The following HSPG2 variants were observed in gnomAD, a reference collection of about 807,000 sequenced individuals.
The protein encoded by HSPG2 is basement membrane-specific heparan sulfate proteoglycan core protein.
HSPG2 carries 278 observed loss-of-function variants against 526.6 expected under a neutral mutation model. The observed-to-expected ratio is 0.53, with a 90% confidence interval of 0.48 to 0.58. HSPG2 has a LOEUF of 0.58. HSPG2 is among the 20% of genes least tolerant of loss of function. The pLI is 0.00. For synonymous variants in HSPG2, 2,465 were observed against 2,555.4 expected, an observed-to-expected ratio of 0.96 and a Z score of 1.07; for missense variants, 5,354 against 6,099.5, an observed-to-expected ratio of 0.88 and a Z score of 4.07.
rs780038988 is a variant in HSPG2, at chr1:21,842,273, T to C, written c.9018A>G (p.Thr3006=). ...GPGPEQEASF[T]VTVPPSEGSS... is the part of the protein sequence containing the mutation. ...ACCCCTCACTGGGCGGGACGGTGAC[T>C]GTGAAGGAGGCTTCTTGCTCAGGGC... Residue 3006 remains threonine (T), a synonymous_variant, in exon 68 of 97, where the codon ACA becomes ACG. Coordinates refer to ENST00000374695, the MANE Select transcript of HSPG2 (RefSeq NM_005529.7). 6.2e-7 allele frequency: 1 copy of C among 1,613,546 alleles called. No homozygotes were observed. Among genetic ancestry groups the C allele is most frequent in the South Asian group, 1.1e-5 (1 of 90,996 alleles).
chr1:21,882,651 A>G lies in HSPG2; in HGVS notation c.1655-1149T>C, dbSNP rs573616627. Among the ~76,000 whole-genome samples, 20 of 152,264 alleles carry G rather than the reference A, an allele frequency of 1.3e-4. No homozygotes were observed. The South Asian group carries it at 3.7e-3, about 28-fold the overall frequency. On this transcript the variant is annotated intron_variant, in intron 13 of 96. Transcript: ENST00000374695. ...CATGTGGCCACTGAGCACTGGAGACATGTCTTGTGCTGCTCAGGAATGAAT... is the reference window on the plus strand; with the variant it reads ...CATGTGGCCACTGAGCACTGGAGACGTGTCTTGTGCTGCTCAGGAATGAAT...
In HSPG2 at chr1:21,872,958, G is replaced by T. The variant is rs747649848; in HGVS notation, c.3888+39C>A. The stretch of plus-strand genomic sequence containing the variant: ...TTTCCCCGCAGGGTCTGGGCAGCGG[G>T]GCAGAGCAGGCCCCGCAGGGACAGG... On this transcript the variant is annotated intron_variant, in intron 31 of 96. Transcript: ENST00000374695. The surrounding 1 kb of genome is among the most constrained non-coding windows in gnomAD (Gnocchi z 5.5). 2 of 1,586,442 alleles carry T rather than the reference G, an allele frequency of 1.3e-6. No homozygotes were observed. Among genetic ancestry groups the T allele is most frequent in the African/African-American group, 2.7e-5 (2 of 74,426 alleles).
rs1641000905 is a variant in HSPG2 at position 21,875,647 on chromosome 1, T to C, written c.3284A>G (p.Gln1095Arg). 1 of 1,602,020 alleles carries C rather than the reference T, an allele frequency of 6.2e-7. No individual in the cohort carries two copies. The highest frequency in any genetic ancestry group is 1.3e-5 in the African/African-American group (1 of 74,942). Residue 1095 changes from glutamine (Q) to arginine (R), a missense_variant, in exon 25 of 97, where the codon CAG (glutamine) becomes CGG (arginine). By Grantham distance (43) the Gln-to-Arg change is conservative. Coordinates refer to ENST00000374695, the MANE Select transcript of HSPG2 (RefSeq NM_005529.7). ...DTLLIRASYA[Q>R]QPAESRVSGI... ...CAGACACCTGCTCTCAGCGGGCTGC[T>C]GGGCGTAGGATGCTCGGATCAGGAG...
At chr1:21,835,362 AAT>A in intron 76 of HSPG2, 176 bp downstream of exon 76, 1 of 643,328 alleles carries the variant, frequency 1.6e-6, no homozygotes, top group South Asian at 1.7e-5. Flanking sequence ...CCTCCCTTGA[AAT>A]ATGTATCAAG....
At chr1:21,917,786 CT>C (rs1643924979) in intron 1 of HSPG2, among the ~76,000 whole-genome samples, 1 of 152,148 alleles carries the variant, frequency 6.6e-6, no homozygotes, top group Non-Finnish European at 1.5e-5. Context: ...ACTCTAAAGA[CT>C]TTTTGGAACC....
chr1:21,873,405 C>T lies in HSPG2; in HGVS notation c.3763G>A (p.Gly1255Ser), dbSNP rs778740870. Reference sequence around the variant, plus strand: ...CATGGCTGGCCCTGGCTGGGGTTGCCATAGTAGCCAGGGGCGCACCTGCAG... The same window carrying T: ...CATGGCTGGCCCTGGCTGGGGTTGCTATAGTAGCCAGGGGCGCACCTGCAG... ...HCERCAPGYY[G>S]NPSQGQPCQR... The change falls in exon 30 of 97, where the codon GGC becomes AGC. Residue 1255 changes from glycine (G) to serine (S), a missense_variant. Gly to Ser is a moderately conservative substitution (Grantham distance 56). Coordinates refer to ENST00000374695, the MANE Select transcript of HSPG2 (RefSeq NM_005529.7). 25 of 1,614,062 alleles carry T rather than the reference C, an allele frequency of 1.5e-5. No individual in the cohort carries two copies. Among genetic ancestry groups the T allele is most frequent in the Non-Finnish European group, 1.9e-5 (23 of 1,180,004 alleles).
intron 1 of HSPG2, among the ~76,000 whole-genome samples, chr1:21,910,303 G>A (rs1368706162): frequency 6.6e-6 from 1 of 152,176 alleles, no homozygotes; most frequent in Non-Finnish European, 1.5e-5. Flanking sequence ...AGACTGTGGT[G>A]GCTGCATCCT....
chr1:21,854,854 G>A lies in HSPG2; in HGVS notation c.6127C>T (p.Leu2043Phe). 1 of 1,614,024 alleles carries A rather than the reference G, an allele frequency of 6.2e-7. No homozygotes were observed. Among genetic ancestry groups the A allele is most frequent in the African/African-American group, 1.3e-5 (1 of 75,058 alleles). ...ATTCCCAGAGAGTCCGTACCTGAAAGGACAACCACTTGGATCCGGGCCTGG... is the reference window on the plus strand; with the variant it reads ...ATTCCCAGAGAGTCCGTACCTGAAAAGACAACCACTTGGATCCGGGCCTGG... ...TAQARIQVVV[L>F]SASDASPPPV... Residue 2043 changes from leucine to phenylalanine, a missense_variant, in exon 48 of 97, where the codon CTT becomes TTT. Transcript: ENST00000374695.
At position 21,843,387 on chromosome 1, in the gene HSPG2, C is replaced by G. The variant is rs143888495; in HGVS notation, c.8668G>C (p.Glu2890Gln). Residue 2890 changes from glutamate to glutamine, a missense_variant, in exon 66 of 97, where the codon GAG becomes CAG. Transcript: ENST00000374695. ...CTTCCGGTCACTTGGCACGAGTACT[C>G]GCCAGAGTCAGCCGGGGACACCTGG... ...LNQVSPADSG[E>Q]YSCQVTGSSG... 6.2e-7 allele frequency: 1 copy of G among 1,614,006 alleles called. No homozygotes were observed.
chr1:21,911,224 C>G (rs1011687837), intron 1 of HSPG2, among the ~76,000 whole-genome samples: 1 of 152,230 alleles, frequency 6.6e-6, no homozygotes, highest in African/African-American at 2.4e-5. Context: ...CCCAGCCCCT[C>G]CCCAAGGGCA....
chr1:21,850,568 C>T, intron 55 of HSPG2, 70 bp from the exon 56 acceptor site: 1 of 1,470,700 alleles, frequency 6.8e-7, no homozygotes, highest in Non-Finnish European at 9.1e-7. Context: ...GCAACCCTGC[C>T]TCACTCTGAC....
intron 80 of HSPG2, 175 bp from the exon 81 acceptor site, chr1:21,832,781 G>C (rs765179269): frequency 1.6e-6 from 1 of 615,042 alleles, no homozygotes; most frequent in Non-Finnish European, 2.9e-6. Context: ...TGCCCCAAAC[G>C]CAAGGGCCTT....
chr1:21,928,840 C>A (rs970479065), intron 1 of HSPG2, among the ~76,000 whole-genome samples: 1 of 152,002 alleles, frequency 6.6e-6, no homozygotes, highest in African/African-American at 2.4e-5. Context: ...ACCTCCGCCT[C>A]CCGGGTTCAA....
intron 81 of HSPG2, 79 bp from the exon 82 acceptor site, chr1:21,831,875 G>C: frequency 1.4e-6 from 2 of 1,448,974 alleles, no homozygotes; most frequent in Non-Finnish European, 1.9e-6. Flanking sequence ...GTTGGGTAGA[G>C]GGGTCCCAGA....
rs2097999846 is a variant in HSPG2 at position 21,830,756 on chromosome 1, T to C, written c.11671+226A>G. On this transcript the variant is annotated intron_variant, in intron 85 of 96. Coordinates refer to ENST00000374695, the MANE Select transcript of HSPG2 (RefSeq NM_005529.7). Reference sequence around the variant, plus strand: ...GAGTGCCTGGGTGGCGGGGTAGTGGTAAGAATTTGGTCAGCAGGGCTGGAG... The same window carrying C: ...GAGTGCCTGGGTGGCGGGGTAGTGGCAAGAATTTGGTCAGCAGGGCTGGAG... The C allele has an allele frequency of 1.2e-5, 5 of 429,372 alleles. No homozygotes were observed. In the East Asian group the frequency reaches 1.9e-4, roughly 17 times the overall value. The allele number at this position is 429,372 out of a possible 1,614,324, so 26.6% of individuals were successfully genotyped here. A position where few individuals can be genotyped will look rare whatever the true frequency, so the allele number is the denominator to read the frequency against.
chr1:21,834,380 T>C (rs2098017686), intron 77 of HSPG2, among the ~76,000 whole-genome samples: 1 of 152,198 alleles, frequency 6.6e-6, no homozygotes, highest in African/African-American at 2.4e-5. Context: ...CCTCAGACTA[T>C]GCTGCAGGTC....
At chr1:21,835,696 C>T in intron 75 of HSPG2, 59 bp from the exon 76 acceptor site, 2 of 1,356,736 alleles carry the variant, frequency 1.5e-6, no homozygotes, top group East Asian at 4.7e-5. Context: ...GAATGCTTTG[C>T]AATTGGGCTG....
intron 64 of HSPG2, among the ~76,000 whole-genome samples, chr1:21,844,667 T>A (rs953118733): frequency 6.6e-6 from 1 of 152,254 alleles, no homozygotes; most frequent in Non-Finnish European, 1.5e-5. Flanking sequence ...AAATCCCAGC[T>A]CTGCCATTGA....
chr1:21,925,836 T>G (rs1397836963), intron 1 of HSPG2, among the ~76,000 whole-genome samples: 1 of 151,868 alleles, frequency 6.6e-6, no homozygotes. Flanking sequence ...ACGTACTGGA[T>G]GGATGAAGGG....
Sources: gnomAD v4.1 joint callset for allele counts (sites outside exome capture counted in the v4.1 genomes callset) on GRCh38, gnomAD v4.1.1 for gene constraint, Gnocchi (gnomAD v3.1) non-coding constraint, MANE v1.5 for transcripts, NCBI Gene and HGNC (gene_info 2026-07-23, HGNC 2026-07-21) for gene names.